Variants in PRKCH observed in about 807,000 individuals in gnomAD.
The protein encoded by PRKCH is protein kinase C eta.
Under a neutral mutation model 82.5 loss-of-function variants are expected in PRKCH, and 28 were observed. That is an observed-to-expected ratio of 0.34 (90% CI 0.25 to 0.47). The LOEUF (loss-of-function observed/expected upper bound fraction) is 0.47. PRKCH is among the 20% of genes least tolerant of loss of function. The pLI is 1.00. For synonymous variants in PRKCH, 322 were observed against 327.4 expected (o/e 0.98, Z 0.18); for missense variants, 705 against 881.8 (o/e 0.80, Z 2.54).
At chr14:61,329,234 C>CTTTTCTTTTTTTT (rs2045747117) in intron 1 of PRKCH, among the ~76,000 whole-genome samples, 1 of 63,462 alleles carries the variant, frequency 1.6e-5, no homozygotes, top group Non-Finnish European at 2.7e-5. Flanking sequence ...ACTCCTGAGT[C>CTTTTCTTTTTTTT]TTTTTTTTTT....
rs2044849631 is a variant in PRKCH, at chr14:61,242,690, G to A, written c.-19+55022G>A. Among the ~76,000 whole-genome samples the A allele has an allele frequency of 4.6e-5, 7 of 152,286 alleles. No individual in the cohort carries two copies. The South Asian group carries it at 1.4e-3, about 32-fold the overall frequency. On this transcript the variant is annotated intron_variant, in intron 1 of 3. Transcript: ENST00000555185. ...TGGGATTACAGGCATGAGCCACCAT[G>A]CCAAGCCATGTTTGTTTTTTTAAAG...
intron 9 of PRKCH, among the ~76,000 whole-genome samples, chr14:61,472,963 A>G (rs1021145160): frequency 6.6e-6 from 1 of 152,224 alleles, no homozygotes; most frequent in Non-Finnish European, 1.5e-5. Context: ...TTACAGTCAA[A>G]GGTCATGATA....
chr14:61,535,620 A>G (rs1113345), intron 12 of PRKCH, among the ~76,000 whole-genome samples: 10,793 of 152,068 alleles, frequency 0.071, 1,183 homozygotes, highest in African/African-American at 0.24. Flanking sequence ...AGCCCAAAGG[A>G]CATCCTAGGT....
intron 1 of PRKCH, chr14:61,327,049 A>T (rs1379359591): frequency 2.2e-6 from 1 of 455,908 alleles, no homozygotes; most frequent in Non-Finnish European, 4.4e-6. Context: ...CGTCATGGAA[A>T]GACCTTGGCG....
At position 61,410,881 on chromosome 14, in the gene PRKCH, C is replaced by T. The variant is rs543520034; in HGVS notation, c.427+19593C>T. Among the ~76,000 whole-genome samples, 81 of 152,238 alleles carry T rather than the reference C, an allele frequency of 5.3e-4. No individual in the cohort carries two copies. In the South Asian group the frequency reaches 0.015, roughly 28 times the overall value. ...TGTGCCTGGCTAATTCCAAACCGTG[C>T]GAATGGCTGTGTTGCCTGGGCTCAT... On this transcript the variant is annotated intron_variant, in intron 2 of 13. Coordinates refer to ENST00000332981, the MANE Select transcript of PRKCH (RefSeq NM_006255.5).
intron 1 of PRKCH, among the ~76,000 whole-genome samples, chr14:61,350,305 A>G (rs963381220): frequency 4.9e-4 from 74 of 152,278 alleles, no homozygotes; most frequent in African/African-American, 1.5e-3. Flanking sequence ...AAGCCTGTTG[A>G]CTGCTGGGCC....
At chr14:61,429,703 A>G (rs1346682964) in intron 2 of PRKCH, among the ~76,000 whole-genome samples, 1 of 152,222 alleles carries the variant, frequency 6.6e-6, no homozygotes, top group Non-Finnish European at 1.5e-5. Flanking sequence ...AAATAAAATA[A>G]AAACCCATAT....
chr14:61,339,622 CTTTTTTTTTT>C (rs757220300), intron 1 of PRKCH, among the ~76,000 whole-genome samples: 2 of 60,000 alleles, frequency 3.3e-5, no homozygotes, highest in Non-Finnish European at 6.0e-5. Context: ...CAAGCCCGGC[CTTTTTTTTTT>C]TTTTTTTTTT....
At chr14:61,284,657 A>T (rs576641061) in intron 1 of PRKCH, among the ~76,000 whole-genome samples, 2 of 152,284 alleles carry the variant, frequency 1.3e-5, no homozygotes, top group Non-Finnish European at 2.9e-5. Context: ...TTTATTACAT[A>T]TGTTGTGATG....
chr14:61,393,709 G>C (rs1466004891), intron 2 of PRKCH, among the ~76,000 whole-genome samples: 1 of 152,124 alleles, frequency 6.6e-6, no homozygotes, highest in Non-Finnish European at 1.5e-5. Flanking sequence ...ATCTTTCCAG[G>C]TTTTCTCCCC....
At chr14:61,381,452 T>C (rs996335672) in intron 1 of PRKCH, among the ~76,000 whole-genome samples, 24 of 152,358 alleles carry the variant, frequency 1.6e-4, no homozygotes, top group African/African-American at 5.3e-4. Flanking sequence ...CCTAGTGTCA[T>C]TGTTATAGAG....
intron 10 of PRKCH, among the ~76,000 whole-genome samples, chr14:61,489,195 T>A (rs1383014393): frequency 6.6e-6 from 1 of 152,186 alleles, no homozygotes; most frequent in Non-Finnish European, 1.5e-5. Flanking sequence ...TTATCATACA[T>A]GTCCCAGAAC....
intron 1 of PRKCH, among the ~76,000 whole-genome samples, chr14:61,385,807 G>A (rs930353491): frequency 8.5e-5 from 13 of 152,116 alleles, no homozygotes; most frequent in African/African-American, 3.1e-4. Flanking sequence ...TATATGCAAG[G>A]TAGGGTCTCC....
intron 1 of PRKCH, among the ~76,000 whole-genome samples, chr14:61,369,325 C>G (rs76821002): frequency 0.05 from 7,678 of 152,142 alleles, 684 homozygotes; most frequent in African/African-American, 0.17. Context: ...TCTTGGGGAT[C>G]ACACTTTGAG....
intron 9 of PRKCH, among the ~76,000 whole-genome samples, chr14:61,483,868 G>A (rs1886090691): frequency 6.6e-6 from 1 of 152,150 alleles, no homozygotes; most frequent in Non-Finnish European, 1.5e-5. Flanking sequence ...GCAATATAAT[G>A]AGACCCCATC....
intron 1 of PRKCH, among the ~76,000 whole-genome samples, chr14:61,386,880 A>G (rs375504692): frequency 4.6e-5 from 7 of 152,320 alleles, no homozygotes; most frequent in African/African-American, 1.4e-4. Context: ...AGTGCAAGTG[A>G]TAGAAACCCC....
chr14:61,368,397 C>T (rs534021109), intron 1 of PRKCH, among the ~76,000 whole-genome samples: 12 of 152,132 alleles, frequency 7.9e-5, no homozygotes, highest in South Asian at 6.2e-4. Flanking sequence ...GGGAAAAGGC[C>T]CTGTACTGCC....
upstream of PRKCH, among the ~76,000 whole-genome samples, chr14:61,320,678 A>T (rs1046270623): frequency 3.9e-5 from 6 of 152,214 alleles, no homozygotes; most frequent in African/African-American, 1.4e-4. Flanking sequence ...GCCCTCAGGG[A>T]GCAAGCTTTG....
chr14:61,280,822 T>C lies in PRKCH; in HGVS notation c.-19+93154T>C. 2 of 1,563,926 alleles carry C rather than the reference T, an allele frequency of 1.3e-6. No individual in the cohort carries two copies. Among genetic ancestry groups the C allele is most frequent in the Non-Finnish European group, 8.6e-7 (1 of 1,163,750 alleles). On this transcript the variant is annotated intron_variant, in intron 1 of 3. Transcript: ENST00000555185. The surrounding 1 kb of genome is among the most constrained non-coding windows in gnomAD (Gnocchi z 5.0). ...GAAGTTGGTCAGCTCGTAGTAGAGGTACACTGGGCCCTGGAAGAGCTCGGG... is the reference window on the plus strand; with the variant it reads ...GAAGTTGGTCAGCTCGTAGTAGAGGCACACTGGGCCCTGGAAGAGCTCGGG...
Sources: gnomAD v4.1 joint callset for allele counts (sites outside exome capture counted in the v4.1 genomes callset) on GRCh38, gnomAD v4.1.1 for gene constraint, Gnocchi (gnomAD v3.1) non-coding constraint, MANE v1.5 for transcripts, NCBI Gene and HGNC (gene_info 2026-07-23, HGNC 2026-07-21) for gene names.